Variants in PPP1R3B observed in about 807,000 individuals in gnomAD.
PPP1R3B encodes PP1 subunit R4.
A neutral mutation model predicts 14.6 loss-of-function variants in PPP1R3B; 8 were observed. The ratio of observed to expected loss-of-function variants is 0.55; its 90% CI spans 0.32 to 0.99. The LOEUF is 0.99. Among genes scored for constraint, PPP1R3B ranks in the 50% least tolerant of loss-of-function variants. PPP1R3B has a pLI of 0.04. For missense variants in PPP1R3B, 452 were observed against 360.1 expected (o/e 1.26, Z -2.07); for synonymous variants, 169 against 142.0 (o/e 1.19, Z -1.35).
At chr8:9,144,185 CTTT>C (rs1007236802) in intron 1 of PPP1R3B, among the ~76,000 whole-genome samples, 8 of 135,084 alleles carry the variant, frequency 5.9e-5, no homozygotes, top group Admixed American at 3.0e-4. Flanking sequence ...ACAAGTTTTT[CTTT>C]TTTTTTTTTT....
At chr8:9,149,238 C>T (rs1225656010) in intron 1 of PPP1R3B, among the ~76,000 whole-genome samples, 1 of 144,992 alleles carries the variant, frequency 6.9e-6, no homozygotes, top group Non-Finnish European at 1.5e-5. Context: ...TGGTGGCTCA[C>T]GCCTGTAATC....
At position 9,140,866 on chromosome 8, in the gene PPP1R3B, A is replaced by C; in HGVS notation, c.786T>G (p.Pro262=). 6.2e-7 allele frequency: 1 copy of C among 1,614,134 alleles called. No individual in the cohort carries two copies. The highest frequency in any genetic ancestry group is 8.5e-7 in the Non-Finnish European group (1 of 1,180,016). ...LGISFDQFGS[P]RCSYGLFPEW... ...CTGGAAACAGACCATAGGAACACCG[A>C]GGGCTTCCGAACTGGTCAAAGGATA... Residue 262 remains proline (P), a synonymous_variant, in exon 2 of 2, where the codon CCT becomes CCG. Transcript: ENST00000310455.
upstream of PPP1R3B, among the ~76,000 whole-genome samples, chr8:9,150,922 G>A (rs1050396348): frequency 3.3e-5 from 5 of 152,362 alleles, no homozygotes; most frequent in African/African-American, 1.2e-4. Context: ...AATAAGGCCC[G>A]GAGAGAGACG....
In PPP1R3B at chr8:9,140,468, G is replaced by A. The variant is rs1241250202; in HGVS notation, c.*326C>T. 2.9e-6 allele frequency: 1 copy of A among 342,688 alleles called. No homozygotes were observed. Among genetic ancestry groups the A allele is most frequent in the African/African-American group, 2.1e-5 (1 of 48,250 alleles). 21.2% of individuals were successfully genotyped at this position (342,688 alleles called of 1,614,324 possible). On this transcript the variant is annotated 3_prime_UTR_variant, in exon 2 of 2. Transcript: ENST00000310455. ...CCACATCTGAGTGGAGAGCAGAGGA[G>A]AGACTCCTCCAGCTTCATCAGCACT...
At chr8:9,144,784 C>T (rs1801186313) in intron 1 of PPP1R3B, among the ~76,000 whole-genome samples, 1 of 152,160 alleles carries the variant, frequency 6.6e-6, no homozygotes. Context: ...TCACTCGTGT[C>T]ACCCAGGCTG....
At chr8:9,150,069 A>G (rs950427060) in intron 1 of PPP1R3B, among the ~76,000 whole-genome samples, 1 of 152,034 alleles carries the variant, frequency 6.6e-6, no homozygotes, top group African/African-American at 2.4e-5. Flanking sequence ...TAAATACCTC[A>G]ACTGTACTTT....
chr8:9,141,535 C>T lies in PPP1R3B; in HGVS notation c.117G>A (p.Gln39=). 6.2e-7 allele frequency: 1 copy of T among 1,614,162 alleles called. No homozygotes were observed. The highest frequency in any genetic ancestry group is 1.3e-5 in the African/African-American group (1 of 75,042). ...KPSKPLRPCI[Q]LSSKNEASGM... ...CACTGGCTTCATTCTTGCTGCTCAGCTGAATACAAGGCCTCAGTGGTTTGC... is the reference window on the plus strand; with the variant it reads ...CACTGGCTTCATTCTTGCTGCTCAGTTGAATACAAGGCCTCAGTGGTTTGC... The change falls in exon 2 of 2, where the codon CAG becomes CAA. Residue 39 remains glutamine (Q), a synonymous_variant. Transcript: ENST00000310455.
At chr8:9,144,958 C>T (rs1045277985) in intron 1 of PPP1R3B, among the ~76,000 whole-genome samples, 1 of 152,150 alleles carries the variant, frequency 6.6e-6, no homozygotes, top group African/African-American at 2.4e-5. Context: ...GTTGGCCAAG[C>T]TGGTCTCAAA....
At position 9,138,539 on chromosome 8, in the gene PPP1R3B, C is replaced by G. The variant is rs1273819961; in HGVS notation, c.*2255G>C. The G allele has an allele frequency of 6.6e-6, 1 of 152,178 alleles. No homozygotes were observed. Among genetic ancestry groups the G allele is most frequent in the African/African-American group, 2.4e-5 (1 of 41,438 alleles). 9.4% of individuals were successfully genotyped at this position (152,178 alleles called of 1,614,324 possible). On this transcript the variant is annotated 3_prime_UTR_variant, in exon 2 of 2. Coordinates refer to ENST00000310455, the MANE Select transcript of PPP1R3B (RefSeq NM_024607.4). ...AAAACAACCTAACCCAACCACAAAA[C>G]TCTAGGAGCCAAGGCACTCAGTATC...
rs796854063 is a variant in PPP1R3B, at chr8:9,140,609, T to C, written c.*185A>G. 54 of 654,154 alleles carry C rather than the reference T, an allele frequency of 8.3e-5. 1 individual carries two copies. In the African/African-American group the frequency reaches 9.3e-4, roughly 11 times the overall value. The allele number at this position is 654,154 out of a possible 1,614,324, so 40.5% of individuals were successfully genotyped here. On this transcript the variant is annotated 3_prime_UTR_variant, in exon 2 of 2. Transcript: ENST00000310455. The stretch of plus-strand genomic sequence containing the variant: ...ACTGCTCCTTTGAGTGAGACACTGG[T>C]TGTGTAATCTGAACCTGGCTGGATT...
chr8:9,148,231 A>G (rs772811392), intron 1 of PPP1R3B, among the ~76,000 whole-genome samples: 4 of 152,194 alleles, frequency 2.6e-5, no homozygotes, highest in Non-Finnish European at 4.4e-5. Flanking sequence ...AGGCACCTGG[A>G]CAGGTGCTTC....
chr8:9,141,432 T>A lies in PPP1R3B; in HGVS notation c.220A>T (p.Thr74Ser). The change falls in exon 2 of 2, where the codon ACA becomes TCA. Residue 74 changes from threonine (T) to serine (S), a missense_variant. Thr to Ser is a moderately conservative substitution (Grantham distance 58, BLOSUM62 1). Coordinates refer to ENST00000310455, the MANE Select transcript of PPP1R3B (RefSeq NM_024607.4). The stretch of plus-strand genomic sequence containing the variant: ...AATTCCGAGAACACTTTGACCATTG[T>A]CAGGGCCAGCCCCTGGTTGTCTGCG... ...SFADNQGLAL[T>S]MVKVFSEFDD... 3 of 1,614,202 alleles carry A rather than the reference T, an allele frequency of 1.9e-6. No homozygotes were observed. The highest frequency in any genetic ancestry group is 2.5e-6 in the Non-Finnish European group (3 of 1,180,034).
At position 9,138,570 on chromosome 8, in the gene PPP1R3B, G is replaced by T. The variant is rs1800968117; in HGVS notation, c.*2224C>A. 1 of 152,210 alleles carries T rather than the reference G, an allele frequency of 6.6e-6. No homozygotes were observed. The highest frequency in any genetic ancestry group is 1.5e-5 in the Non-Finnish European group (1 of 68,044). 9.4% of individuals were successfully genotyped at this position (152,210 alleles called of 1,614,324 possible). A position where few individuals can be genotyped will look rare whatever the true frequency, so the allele number is the denominator to read the frequency against. On this transcript the variant is annotated 3_prime_UTR_variant, in exon 2 of 2. Coordinates refer to ENST00000310455, the MANE Select transcript of PPP1R3B (RefSeq NM_024607.4). ...GAGCCAAGGCACTCAGTATCTGCCT[G>T]TTGGTTATGTACAAAGCCACAAATG...
Position 9,137,559 on chromosome 8 carries a change from A to C in PPP1R3B, c.*3235T>G, listed in dbSNP as rs544279327. ...ATGAGCTATCAAACAAGGAGAGAATACATCAGCGCAGCTCCCGAGGCCTTC... is the reference window on the plus strand; with the variant it reads ...ATGAGCTATCAAACAAGGAGAGAATCCATCAGCGCAGCTCCCGAGGCCTTC... On this transcript the variant is annotated 3_prime_UTR_variant, in exon 2 of 2. Coordinates refer to ENST00000310455, the MANE Select transcript of PPP1R3B (RefSeq NM_024607.4). The C allele has an allele frequency of 6.6e-6, 1 of 152,404 alleles. No homozygotes were observed. Among genetic ancestry groups the C allele is most frequent in the East Asian group, 1.9e-4 (1 of 5,190 alleles). 9.4% of individuals were successfully genotyped at this position (152,404 alleles called of 1,614,324 possible). A position where few individuals can be genotyped will look rare whatever the true frequency, so the allele number is the denominator to read the frequency against.
At chr8:9,149,380 G>C (rs1801345968) in intron 1 of PPP1R3B, among the ~76,000 whole-genome samples, 1 of 151,364 alleles carries the variant, frequency 6.6e-6, no homozygotes, top group Non-Finnish European at 1.5e-5. Flanking sequence ...GCGGGCGCCT[G>C]TAGTCCCAGC....
chr8:9,149,094 G>A (rs1305192057), intron 1 of PPP1R3B, among the ~76,000 whole-genome samples: 7 of 150,510 alleles, frequency 4.7e-5, no homozygotes, highest in East Asian at 1.9e-4. Flanking sequence ...TCAGGAGGCC[G>A]AGGCAGGAGA....
intron 1 of PPP1R3B, among the ~76,000 whole-genome samples, chr8:9,147,021 T>G (rs2117616801): frequency 6.6e-6 from 1 of 152,130 alleles, no homozygotes; most frequent in Non-Finnish European, 1.5e-5. Flanking sequence ...CTTGCTCTGT[T>G]GCCCAGGCTG....
At chr8:9,151,454 G>C (rs1302270451), upstream of PPP1R3B, 3 of 164,232 alleles carry the variant, frequency 1.8e-5, no homozygotes, top group African/African-American at 7.2e-5. Context: ...CCCGGGCTCG[G>C]GTTCGCGCCC....
chr8:9,141,107 T>C lies in PPP1R3B; in HGVS notation c.545A>G (p.Asp182Gly). 2 of 1,614,058 alleles carry C rather than the reference T, an allele frequency of 1.2e-6. No homozygotes were observed. Among genetic ancestry groups the C allele is most frequent in the Non-Finnish European group, 1.7e-6 (2 of 1,180,026 alleles). The change falls in exon 2 of 2, where the codon GAC becomes GGC. Residue 182 changes from aspartate to glycine, a missense_variant. Coordinates refer to ENST00000310455, the MANE Select transcript of PPP1R3B (RefSeq NM_024607.4). ...YTDFPCQYVK[D>G]TYAGSDRDTF... is the part of the protein sequence containing the mutation. The stretch of plus-strand genomic sequence containing the variant: ...GTCCCTGTCTGAACCGGCATAAGTG[T>C]CCTTCACGTACTGACAAGGAAAGTC...
Sources: gnomAD v4.1 joint callset for allele counts (sites outside exome capture counted in the v4.1 genomes callset) on GRCh38, gnomAD v4.1.1 for gene constraint, MANE v1.5 for transcripts, NCBI Gene and HGNC (gene_info 2026-07-23, HGNC 2026-07-21) for gene names.